Variants in CSMD3 observed in about 807,000 individuals in gnomAD.
CSMD3 encodes the protein CUB and sushi domain-containing protein 3.
Under a neutral mutation model 435.2 loss-of-function variants are expected in CSMD3, and 177 were observed. The ratio of observed to expected loss-of-function variants is 0.41; its 90% CI spans 0.36 to 0.46. The LOEUF is 0.46. Among genes scored for constraint, CSMD3 ranks in the 20% least tolerant of loss-of-function variants. CSMD3 has a pLI of 0.34. For synonymous variants in CSMD3, 1,656 were observed against 1,520.5 expected, an observed-to-expected ratio of 1.09 and a Z score of -2.07; for missense variants, 4,265 against 4,504.6, an observed-to-expected ratio of 0.95 and a Z score of 1.52.
At chr8:113,148,968 C>CAT (rs2091742907) in intron 4 of CSMD3, among the ~76,000 whole-genome samples, 1 of 151,484 alleles carries the variant, frequency 6.6e-6, no homozygotes. Context: ...TATATATGCA[C>CAT]ATATATACAT....
intron 10 of CSMD3, among the ~76,000 whole-genome samples, chr8:112,878,968 C>T (rs186658863): frequency 2.8e-4 from 43 of 152,162 alleles, no homozygotes; most frequent in African/African-American, 8.7e-4. Context: ...GTGATGATTG[C>T]GTTAACTGCA....
chr8:112,327,888 A>G (rs1277250099), intron 45 of CSMD3, among the ~76,000 whole-genome samples: 1 of 152,112 alleles, frequency 6.6e-6, no homozygotes, highest in Non-Finnish European at 1.5e-5. Flanking sequence ...TTAATTTTCT[A>G]TTTTCTTTTC....
intron 1 of CSMD3, among the ~76,000 whole-genome samples, chr8:113,361,113 A>T (rs2132986464): frequency 6.6e-6 from 1 of 152,298 alleles, no homozygotes; most frequent in East Asian, 1.9e-4. Context: ...GAAAAGCTCC[A>T]TCTGCTGGCT....
At chr8:112,276,796 A>C (rs1184779628) in intron 59 of CSMD3, among the ~76,000 whole-genome samples, 2 of 152,096 alleles carry the variant, frequency 1.3e-5, no homozygotes. Context: ...TCAATTCTTG[A>C]CTTCTGTGCA....
chr8:112,664,414 T>A (rs2075466702), intron 17 of CSMD3, among the ~76,000 whole-genome samples: 1 of 152,136 alleles, frequency 6.6e-6, no homozygotes, highest in Non-Finnish European at 1.5e-5. Context: ...AAAGATTTAA[T>A]GATGAATAAC....
chr8:112,464,223 G>A (rs888335095), intron 32 of CSMD3, among the ~76,000 whole-genome samples: 1 of 147,434 alleles, frequency 6.8e-6, no homozygotes, highest in Non-Finnish European at 1.5e-5. Context: ...GGGCGACAGA[G>A]CGAGACTCTG....
chr8:112,469,892 GA>G (rs1318708129), intron 32 of CSMD3, among the ~76,000 whole-genome samples: 2 of 151,880 alleles, frequency 1.3e-5, no homozygotes, highest in South Asian at 4.1e-4. Flanking sequence ...GACAGAAAAA[GA>G]AAAAAATGTG....
At chr8:112,959,136 C>A (rs1564150448) in intron 7 of CSMD3, among the ~76,000 whole-genome samples, 1 of 151,900 alleles carries the variant, frequency 6.6e-6, no homozygotes, top group Non-Finnish European at 1.5e-5. Context: ...ATGTAATATG[C>A]AGAACATTTA....
chr8:112,525,334 T>C (rs903429451), intron 27 of CSMD3, among the ~76,000 whole-genome samples: 2 of 149,196 alleles, frequency 1.3e-5, no homozygotes, highest in Non-Finnish European at 3.0e-5. Flanking sequence ...ATTTTATATA[T>C]AAAATTTTAT....
At chr8:113,415,650 T>A (rs1163378454) in intron 1 of CSMD3, among the ~76,000 whole-genome samples, 1 of 152,160 alleles carries the variant, frequency 6.6e-6, no homozygotes, top group African/African-American at 2.4e-5. Context: ...GGAAGGTATA[T>A]TAGAAATATA....
intron 45 of CSMD3, among the ~76,000 whole-genome samples, chr8:112,333,613 G>A (rs1245239198): frequency 6.6e-6 from 1 of 151,820 alleles, no homozygotes; most frequent in Non-Finnish European, 1.5e-5. Flanking sequence ...AAGATTTTGT[G>A]TTTATGTATA....
At chr8:113,137,314 G>A (rs1031429069) in intron 4 of CSMD3, among the ~76,000 whole-genome samples, 2 of 151,460 alleles carry the variant, frequency 1.3e-5, no homozygotes, top group Non-Finnish European at 3.0e-5. Flanking sequence ...TGATATATTA[G>A]GATTACTTAA....
intron 3 of CSMD3, among the ~76,000 whole-genome samples, chr8:113,244,188 T>C (rs1285977315): frequency 6.6e-6 from 1 of 152,230 alleles, no homozygotes; most frequent in African/African-American, 2.4e-5. Flanking sequence ...CTTTTACTAA[T>C]TCCTTGTGCT....
intron 4 of CSMD3, among the ~76,000 whole-genome samples, chr8:113,158,288 AGGG>A (rs2091971719): frequency 6.6e-6 from 1 of 152,060 alleles, no homozygotes; most frequent in Non-Finnish European, 1.5e-5. Flanking sequence ...CCATGAGTGT[AGGG>A]GCAGCAAAAG....
rs529668952 is a variant in CSMD3, at chr8:112,289,404, A to T, written c.9109T>A (p.Leu3037Met). ...LLGQSSRTCQ[L>M]NGHWSGSQPH... ...TGTGATCCACTCCAATGGCCATTCA[A>T]TTGGCAGGTTCTTGATGACTGGCCT... The change falls in exon 57 of 71, where the codon TTG becomes ATG. Residue 3037 changes from leucine to methionine, a missense_variant. Physicochemically the swap from Leu to Met is conservative, Grantham distance 15 (BLOSUM62 2). Coordinates refer to ENST00000297405, the MANE Select transcript of CSMD3 (RefSeq NM_198123.2). 6.2e-7 allele frequency: 1 copy of T among 1,613,376 alleles called. No individual in the cohort carries two copies. Among genetic ancestry groups the T allele is most frequent in the Non-Finnish European group, 8.5e-7 (1 of 1,179,554 alleles).
At chr8:112,486,323 G>A (rs1046875920) in intron 31 of CSMD3, among the ~76,000 whole-genome samples, 4 of 152,096 alleles carry the variant, frequency 2.6e-5, no homozygotes, top group African/African-American at 9.7e-5. Context: ...CTATAGGGCA[G>A]TGATTAAGAT....
intron 3 of CSMD3, among the ~76,000 whole-genome samples, chr8:113,236,109 A>G (rs954312012): frequency 2.0e-5 from 3 of 152,178 alleles, no homozygotes; most frequent in African/African-American, 7.2e-5. Context: ...TCATTTGAAT[A>G]GTAAAAAACA....
At chr8:112,417,210 T>C (rs1464116460) in intron 32 of CSMD3, among the ~76,000 whole-genome samples, 1 of 152,152 alleles carries the variant, frequency 6.6e-6, no homozygotes, top group Non-Finnish European at 1.5e-5. Flanking sequence ...CCTGTGATAT[T>C]AAGGTATTTC....
At chr8:113,112,293 A>G (rs930411021) in intron 4 of CSMD3, among the ~76,000 whole-genome samples, 7 of 149,196 alleles carry the variant, frequency 4.7e-5, no homozygotes, top group Non-Finnish European at 1.0e-4. Context: ...TTGACTACAA[A>G]TTACCCTAGG....
Sources: allele counts gnomAD v4.1 joint callset (sites outside exome capture counted in the v4.1 genomes callset), GRCh38; gene constraint gnomAD v4.1.1; transcripts MANE v1.5; gene names NCBI Gene and HGNC (gene_info 2026-07-23, HGNC 2026-07-21).